Variants in HSPG2 observed in about 807,000 individuals in gnomAD.
HSPG2 encodes the protein heparan sulfate proteoglycan 2.
HSPG2 carries 278 observed loss-of-function variants against 526.6 expected under a neutral mutation model. That is an observed-to-expected ratio of 0.53 (90% CI 0.48 to 0.58). The LOEUF (loss-of-function observed/expected upper bound fraction) is 0.58. Ranked by LOEUF, HSPG2 falls within the 20% of genes least tolerant of loss-of-function variation. The pLI is 0.00. For missense variants in HSPG2, 5,354 were observed against 6,099.5 expected (o/e 0.88, Z 4.07); for synonymous variants, 2,465 against 2,555.4 (o/e 0.96, Z 1.07).
rs1046778509 is a variant in HSPG2 at position 21,890,688 on chromosome 1, A to G, written c.251T>C (p.Phe84Ser). Residue 84 changes from phenylalanine to serine, a missense_variant, in exon 4 of 97, where the codon TTC becomes TCC. Transcript: ENST00000374695. This position sits in a 1 kb window ranked among gnomAD's most constrained non-coding sequence, Gnocchi z 4.1. Reference protein sequence around the residue: ...LGSGDFQMVYFRALVNFTRSI... With the variant: ...LGSGDFQMVYSRALVNFTRSI... Reference sequence around the variant, plus strand: ...GCGAGTGAAATTCACCAGGGCTCGGAAATAAACTGGAAAATCGAAGGAGGA... The same window carrying G: ...GCGAGTGAAATTCACCAGGGCTCGGGAATAAACTGGAAAATCGAAGGAGGA... 6 of 1,612,194 alleles carry G rather than the reference A, an allele frequency of 3.7e-6. No homozygotes were observed. The highest frequency in any genetic ancestry group is 5.1e-6 in the Non-Finnish European group (6 of 1,178,568).
At position 21,855,504 on chromosome 1, in the gene HSPG2, C is replaced by G; in HGVS notation, c.5854+19G>C. The stretch of plus-strand genomic sequence containing the variant: ...GGCTGAGCACACTCCCGGCCCCCAC[C>G]CTGAGCCCGGCCTCTCACCATGCAC... On this transcript the variant is annotated intron_variant, in intron 46 of 96. Coordinates refer to ENST00000374695, the MANE Select transcript of HSPG2 (RefSeq NM_005529.7). 1.9e-6 allele frequency: 3 copies of G among 1,611,176 alleles called. No homozygotes were observed. The highest frequency in any genetic ancestry group is 2.5e-6 in the Non-Finnish European group (3 of 1,179,404).
intron 33 of HSPG2, among the ~76,000 whole-genome samples, chr1:21,867,607 A>G (rs1417556245): frequency 5.3e-5 from 8 of 152,272 alleles, no homozygotes; most frequent in South Asian, 2.1e-4. Flanking sequence ...TTGAGAATGC[A>G]TATCACGCTT....
chr1:21,841,114 T>C lies in HSPG2; in HGVS notation c.9500A>G (p.His3167Arg), dbSNP rs537198949. ...EQRTYGLMDS[H>R]AVLQISSAKP... The stretch of plus-strand genomic sequence containing the variant: ...CCCCGGCTTCACCTGCAGCACCGCG[T>C]GGCTGTCCATGAGCCCATATGTCCG... The change falls in exon 71 of 97, where the codon CAC becomes CGC. Residue 3167 changes from histidine to arginine, a missense_variant. By Grantham distance (29) the His-to-Arg change is conservative (BLOSUM62 0). Transcript: ENST00000374695. The C allele has an allele frequency of 6.2e-7, 1 of 1,610,492 alleles. No individual in the cohort carries two copies. The highest frequency in any genetic ancestry group is 1.7e-5 in the Admixed American group (1 of 59,612).
intron 29 of HSPG2, 143 bp from the exon 30 acceptor site, chr1:21,873,567 T>G: frequency 1.1e-6 from 1 of 888,632 alleles, no homozygotes; most frequent in East Asian, 2.5e-5. Flanking sequence ...ACGGGGAAAC[T>G]GGGCAGAGAA....
intron 1 of HSPG2, among the ~76,000 whole-genome samples, chr1:21,933,919 C>T (rs942055584): frequency 6.6e-6 from 1 of 152,218 alleles, no homozygotes; most frequent in Non-Finnish European, 1.5e-5. Context: ...TGGCAGCCTC[C>T]CCAGTGAGGA....
In HSPG2 at chr1:21,863,504, T is replaced by A. The variant is rs1307745189; in HGVS notation, c.4740+596A>T. Among the ~76,000 whole-genome samples the A allele has an allele frequency of 2.0e-5, 3 of 152,162 alleles. 1 individual carries two copies. The highest frequency in any genetic ancestry group is 4.4e-5 in the Non-Finnish European group (3 of 68,022). Reference sequence around the variant, plus strand: ...GGGTGTTCCTTGCTCCAAGTTTAGGTTATGGCTGTCAACCACCTGCCCCTT... The same window carrying A: ...GGGTGTTCCTTGCTCCAAGTTTAGGATATGGCTGTCAACCACCTGCCCCTT... On this transcript the variant is annotated intron_variant, in intron 37 of 96. Coordinates refer to ENST00000374695, the MANE Select transcript of HSPG2 (RefSeq NM_005529.7).
At chr1:21,909,023 G>A (rs1201002451) in intron 1 of HSPG2, among the ~76,000 whole-genome samples, 1 of 152,184 alleles carries the variant, frequency 6.6e-6, no homozygotes, top group Non-Finnish European at 1.5e-5. Flanking sequence ...CAGGAGAATC[G>A]CTTGAACCCG....
Position 21,823,332 on chromosome 1 carries a change from C to T in HSPG2, c.13160G>A (p.Arg4387His), listed in dbSNP as rs759458534. 9.1e-6 allele frequency: 14 copies of T among 1,540,524 alleles called. No homozygotes were observed. The highest frequency in any genetic ancestry group is 4.8e-5 in the South Asian group (4 of 84,016). The change falls in exon 97 of 97, where the codon CGC (arginine) becomes CAC (histidine). Residue 4387 changes from arginine (R) to histidine (H), a missense_variant. Transcript: ENST00000374695. The part of the protein sequence containing the change: ...QHRAQAGANT[R>H]PCPS ...GGCAGGTGCCTACGAGGGGCAGGGG[C>T]GTGTGTTGGCCCCGGCCTGGGCGCG... is the stretch of plus-strand genomic sequence containing the variant.
intron 69 of HSPG2, among the ~76,000 whole-genome samples, 154 bp from the exon 70 acceptor site, chr1:21,841,827 GC>G (rs2152705885): frequency 6.6e-6 from 1 of 152,270 alleles, no homozygotes; most frequent in Admixed American, 6.5e-5. Context: ...AGTAACAAAG[GC>G]CTTGGAAACT....
Position 21,872,372 on chromosome 1 carries a change from G to A in HSPG2, c.4035C>T (p.Ser1345=). The change falls in exon 33 of 97, where the codon TCC becomes TCT. Residue 1345 remains serine, a synonymous_variant. Transcript: ENST00000374695. This position sits in a 1 kb window ranked among gnomAD's most constrained non-coding sequence, Gnocchi z 5.5. The stretch of plus-strand genomic sequence containing the variant: ...GGAAGTCCCCAGGGGCAAAGTGGGT[G>A]GAGATCTGGCAGGGGAAAAAGGAGG... The part of the protein sequence containing the change: ...ASSAYTRHLI[S]THFAPGDFQG... The A allele has an allele frequency of 6.4e-7, 1 of 1,569,738 alleles. No homozygotes were observed. Among genetic ancestry groups the A allele is most frequent in the Non-Finnish European group, 8.7e-7 (1 of 1,155,852 alleles).
At position 21,859,672 on chromosome 1, in the gene HSPG2, G is replaced by A. The variant is rs777294243; in HGVS notation, c.5187C>T (p.Ser1729=). Residue 1729 remains serine (S), a synonymous_variant, in exon 42 of 97, where the codon TCC becomes TCT. Coordinates refer to ENST00000374695, the MANE Select transcript of HSPG2 (RefSeq NM_005529.7). The surrounding 1 kb of genome is among the most constrained non-coding windows in gnomAD (Gnocchi z 5.3). The stretch of plus-strand genomic sequence containing the variant: ...GCTGGACGCTGGGGAAGTGGAGCTC[G>A]GAGCCTGGTGGGGAGGAGACAAGAG... ...PSGTQQRHQG[S]ELHFPSVQPS... The A allele has an allele frequency of 2.1e-5, 33 of 1,606,362 alleles. No homozygotes were observed. The highest frequency in any genetic ancestry group is 3.3e-4 in the Middle Eastern group (2 of 6,074).
In HSPG2 at chr1:21,873,973, G is replaced by T; in HGVS notation, c.3695C>A (p.Pro1232His). 1 of 1,606,978 alleles carries T rather than the reference G, an allele frequency of 6.2e-7. No homozygotes were observed. The highest frequency in any genetic ancestry group is 1.1e-5 in the South Asian group (1 of 89,300). ...HTCFLDTDGH[P>H]TCDACSPGHS... is the part of the protein sequence containing the mutation. ...GCCTGGGGAGCACGCATCACAGGTGGGGTGGCCGTCTGTGTCCAGAAAACA... is the reference window on the plus strand; with the variant it reads ...GCCTGGGGAGCACGCATCACAGGTGTGGTGGCCGTCTGTGTCCAGAAAACA... The change falls in exon 29 of 97, where the codon CCC becomes CAC. Residue 1232 changes from proline (P) to histidine (H), a missense_variant. By Grantham distance (77) the Pro-to-His change is moderately conservative. Transcript: ENST00000374695.
At chr1:21,834,988 C>T (rs1320411529) in intron 76 of HSPG2, 43 bp from the exon 77 acceptor site, 35 of 1,603,290 alleles carry the variant, frequency 2.2e-5, no homozygotes, top group Non-Finnish European at 3.0e-5. Flanking sequence ...TCAGTCACTG[C>T]AGGCCTGGCC....
intron 1 of HSPG2, among the ~76,000 whole-genome samples, chr1:21,921,599 G>A (rs1644040454): frequency 1.3e-5 from 2 of 152,176 alleles, no homozygotes; most frequent in Admixed American, 6.5e-5. Flanking sequence ...AGTGGTTAAG[G>A]GGCTGGGAGG....
At chr1:21,863,530 C>T (rs1249454281) in intron 37 of HSPG2, among the ~76,000 whole-genome samples, 1 of 152,066 alleles carries the variant, frequency 6.6e-6, no homozygotes, top group Non-Finnish European at 1.5e-5. Flanking sequence ...CCTGCCCCTT[C>T]ACTGCGTACC....
Position 21,873,072 on chromosome 1 carries a change from C to T in HSPG2, c.3813G>A (p.Gly1271=). 1 of 1,601,780 alleles carries T rather than the reference C, an allele frequency of 6.2e-7. No homozygotes were observed. The highest frequency in any genetic ancestry group is 1.6e-4 in the Middle Eastern group (1 of 6,062). Residue 1271 remains glycine, a synonymous_variant, in exon 31 of 97, where the codon GGG becomes GGA. Coordinates refer to ENST00000374695, the MANE Select transcript of HSPG2 (RefSeq NM_005529.7). ...QPCQRDSQVP[G]PIGCNCDPQG... The stretch of plus-strand genomic sequence containing the variant: ...GGGGGTCACAGTTGCAGCCTATGGG[C>T]CCTGGCACCTGGCTGTCTCCTGAGG...
chr1:21,842,317 G>A lies in HSPG2; in HGVS notation c.8974C>T (p.Arg2992Cys), dbSNP rs1175643888. The A allele has an allele frequency of 6.8e-6, 11 of 1,613,050 alleles. No homozygotes were observed. The highest frequency in any genetic ancestry group is 2.2e-5 in the South Asian group (2 of 90,980). The change falls in exon 68 of 97, where the codon CGT (arginine) becomes TGT (cysteine). Residue 2992 changes from arginine (R) to cysteine (C), a missense_variant. Arg to Cys is a radical substitution (Grantham distance 180, BLOSUM62 -3). Transcript: ENST00000374695. ...TCAGGGCCTGGGCCGCTGGCTGCAC[G>A]ACACACATACTCGCCTGAGTCGGCA... ...SPADSGEYVCRAASGPGPEQE... is the reference protein window; with the variant it reads ...SPADSGEYVCCAASGPGPEQE...
chr1:21,861,302 G>A (rs530392726), intron 39 of HSPG2, among the ~76,000 whole-genome samples: 1 of 152,206 alleles, frequency 6.6e-6, no homozygotes, highest in East Asian at 1.9e-4. Context: ...AGGAACGGGT[G>A]GTTTAGGGGT....
In HSPG2 at chr1:21,825,604, G is replaced by C. The variant is rs369863074; in HGVS notation, c.12590-825C>G. On this transcript the variant is annotated intron_variant, in intron 91 of 96. Coordinates refer to ENST00000374695, the MANE Select transcript of HSPG2 (RefSeq NM_005529.7). ...GGCACTGGCCACAGTAGCTCTGGCA[G>C]GGGACAAGAGTAGGGGACCCTCTGC... Among the ~76,000 whole-genome samples, 16 of 152,246 alleles carry C rather than the reference G, an allele frequency of 1.1e-4. 1 individual carries two copies. Among genetic ancestry groups the C allele is most frequent in the African/African-American group, 3.9e-4 (16 of 41,518 alleles).
Sources: allele counts gnomAD v4.1 joint callset (sites outside exome capture counted in the v4.1 genomes callset), GRCh38; gene constraint gnomAD v4.1.1; non-coding constraint Gnocchi (gnomAD v3.1); transcripts MANE v1.5; gene names NCBI Gene and HGNC (gene_info 2026-07-23, HGNC 2026-07-21).